ERCC6L2: variants seen among roughly 807,000 people sequenced by gnomAD.
The protein encoded by ERCC6L2 is ERCC excision repair 6 like 2, also known as DNA excision repair protein ERCC-6-like 2.
Under a neutral mutation model 132.0 loss-of-function variants are expected in ERCC6L2, and 77 were observed. The observed-to-expected ratio is 0.58, with a 90% CI of 0.49 to 0.71. The LOEUF (loss-of-function observed/expected upper bound fraction) is 0.71. Ranked by LOEUF, ERCC6L2 falls within the 30% of genes least tolerant of loss-of-function variation. ERCC6L2 has a pLI of 0.00. For missense variants in ERCC6L2, 1,542 were observed against 1,837.6 expected (o/e 0.84, Z 2.94); for synonymous variants, 583 against 632.4 (o/e 0.92, Z 1.17).
intron 3 of ERCC6L2, among the ~76,000 whole-genome samples, chr9:95,899,983 C>T (rs1232836837): frequency 6.6e-6 from 1 of 152,138 alleles, no homozygotes; most frequent in Non-Finnish European, 1.5e-5. Flanking sequence ...TATGGAGGAA[C>T]TGTAAATTCC....
At chr9:95,989,474 A>C (rs746818278) in intron 17 of ERCC6L2, among the ~76,000 whole-genome samples, 2 of 152,200 alleles carry the variant, frequency 1.3e-5, no homozygotes, top group Non-Finnish European at 2.9e-5. Context: ...TCACAATATC[A>C]CAGTCATATT....
chr9:95,995,821 T>C (rs1212472493), intron 17 of ERCC6L2, among the ~76,000 whole-genome samples: 1 of 152,228 alleles, frequency 6.6e-6, no homozygotes, highest in Non-Finnish European at 1.5e-5. Context: ...CTGCACACAT[T>C]CAAGATGGCA....
At chr9:96,029,303 C>CA (rs201014094) in intron 19 of ERCC6L2, among the ~76,000 whole-genome samples, 11,149 of 81,298 alleles carry the variant, frequency 0.14, 911 homozygotes, top group East Asian at 0.25. Context: ...GACTCCGTCT[C>CA]AAAAAAAAAA....
At chr9:95,908,545 A>G (rs1829192358) in intron 4 of ERCC6L2, among the ~76,000 whole-genome samples, 1 of 152,190 alleles carries the variant, frequency 6.6e-6, no homozygotes, top group Non-Finnish European at 1.5e-5. Context: ...TGGTAGCCCT[A>G]GCAAACCAAT....
At chr9:95,999,799 G>T (rs2133186798) in intron 17 of ERCC6L2, among the ~76,000 whole-genome samples, 1 of 151,506 alleles carries the variant, frequency 6.6e-6, no homozygotes, top group South Asian at 2.1e-4. Context: ...GGAACTTCTG[G>T]TGTTCATTTT....
chr9:95,982,253 G>A (rs546500992), intron 17 of ERCC6L2, among the ~76,000 whole-genome samples: 21 of 152,212 alleles, frequency 1.4e-4, no homozygotes, highest in Admixed American at 5.2e-4. Flanking sequence ...ACCAGTGCAG[G>A]TTTAAGCACT....
In ERCC6L2 at chr9:96,017,615, G is replaced by C. The variant is rs1368644067; in HGVS notation, c.*4412G>C. 6.6e-6 allele frequency among the ~76,000 whole-genome samples: 1 copy of C among 152,154 alleles called. No homozygotes were observed. The highest frequency in any genetic ancestry group is 1.5e-5 in the Non-Finnish European group (1 of 68,008). On this transcript the variant is annotated 3_prime_UTR_variant, in exon 19 of 19. Transcript: ENST00000653738. ...GCCAGTGATTGTCAGGTTTGTCCCT[G>C]GGCAGGACCCACCTGCCTGACCTTC... is the stretch of plus-strand genomic sequence containing the variant.
At chr9:95,910,632 A>G (rs1829298174) in intron 4 of ERCC6L2, among the ~76,000 whole-genome samples, 1 of 152,080 alleles carries the variant, frequency 6.6e-6, no homozygotes, top group Admixed American at 6.5e-5. Context: ...TTTTTCATCC[A>G]TTCGGATAAT....
At chr9:95,957,595 A>C (rs1831672618) in intron 13 of ERCC6L2, among the ~76,000 whole-genome samples, 1 of 152,070 alleles carries the variant, frequency 6.6e-6, no homozygotes, top group African/African-American at 2.4e-5. Context: ...GTCCATTACT[A>C]TATACATTTC....
chr9:96,029,610 C>T (rs1834428963), intron 19 of ERCC6L2, among the ~76,000 whole-genome samples: 1 of 152,142 alleles, frequency 6.6e-6, no homozygotes, highest in Admixed American at 6.6e-5. Flanking sequence ...CAAAACCACG[C>T]AAAGGAAACG....
intron 9 of ERCC6L2, among the ~76,000 whole-genome samples, chr9:95,925,815 G>A (rs1183301553): frequency 6.6e-6 from 1 of 150,658 alleles, no homozygotes; most frequent in Non-Finnish European, 1.5e-5. Context: ...ACAAACCACA[G>A]ACTGGGAGAA....
chr9:95,926,569 CA>C (rs1159944494), intron 9 of ERCC6L2, among the ~76,000 whole-genome samples: 1 of 152,024 alleles, frequency 6.6e-6, no homozygotes, highest in East Asian at 1.9e-4. Flanking sequence ...ATAATACTAT[CA>C]AAAGGCAAAA....
chr9:95,936,847 T>C (rs944872462), intron 11 of ERCC6L2, among the ~76,000 whole-genome samples: 1 of 152,180 alleles, frequency 6.6e-6, no homozygotes, highest in African/African-American at 2.4e-5. Flanking sequence ...AACAACATAA[T>C]CAAGAATGTT....
intron 19 of ERCC6L2, among the ~76,000 whole-genome samples, chr9:96,026,611 CACACACCACACTAT>C (rs1355292240): frequency 6.6e-6 from 1 of 151,716 alleles, no homozygotes; most frequent in Admixed American, 6.6e-5. Flanking sequence ...AAACACACTA[CACACACCACACTAT>C]ACACACCACA....
At chr9:95,984,135 A>G (rs1293891691) in intron 17 of ERCC6L2, among the ~76,000 whole-genome samples, 3 of 150,364 alleles carry the variant, frequency 2.0e-5, no homozygotes, top group African/African-American at 7.3e-5. Context: ...TTATACATAT[A>G]TGTATAATAC....
chr9:95,915,926 A>G (rs1829564129), intron 5 of ERCC6L2, 97 bp downstream of exon 5: 9 of 1,240,254 alleles, frequency 7.3e-6, no homozygotes, highest in Admixed American at 2.7e-5. Context: ...CGAAACAGTC[A>G]TTTGTCTGGT....
In ERCC6L2 at chr9:95,972,350, GAGA is replaced by G; in HGVS notation, c.2603_2605del (p.Lys868del). ...AGAAAAGCATATTTTTTATAAAAGT[GAGA>G]AGATTTTAGAACAGAATATTTCTTC... On this transcript the variant is annotated inframe_deletion, in exon 16 of 19. Transcript: ENST00000653738. 1.6e-6 allele frequency: 2 copies of G among 1,286,428 alleles called. No individual in the cohort carries two copies. The highest frequency in any genetic ancestry group is 2.6e-5 in the South Asian group (2 of 77,784). 79.7% of individuals were successfully genotyped at this position (1,286,428 alleles called of 1,614,324 possible).
At chr9:95,897,812 A>C (rs1828547184) in intron 2 of ERCC6L2, 37 bp from the exon 3 acceptor site, 9 of 1,608,870 alleles carry the variant, frequency 5.6e-6, no homozygotes, top group Non-Finnish European at 7.6e-6. Context: ...GTCATGATAC[A>C]TTATACACAG....
At chr9:95,892,029 A>G (rs1828197313) in intron 2 of ERCC6L2, among the ~76,000 whole-genome samples, 1 of 152,112 alleles carries the variant, frequency 6.6e-6, no homozygotes, top group Admixed American at 6.5e-5. Flanking sequence ...TTGATGCACG[A>G]AAGTTAAGTT....
Sources: allele counts gnomAD v4.1 joint callset (sites outside exome capture counted in the v4.1 genomes callset), GRCh38; gene constraint gnomAD v4.1.1; transcripts MANE v1.5; gene names NCBI Gene and HGNC (gene_info 2026-07-23, HGNC 2026-07-21).